RAD51B: variants seen among roughly 807,000 people sequenced by gnomAD.
RAD51B encodes RAD51 paralog B.
A neutral mutation model predicts 42.2 loss-of-function variants in RAD51B; 38 were observed. The observed-to-expected ratio is 0.90, with a 90% CI of 0.70 to 1.18. The LOEUF (loss-of-function observed/expected upper bound fraction) is 1.18, where lower values mean the gene tolerates loss of function less well. Ranked by LOEUF, RAD51B falls within the 50% of genes most tolerant of loss-of-function variation. The pLI, the probability that RAD51B is intolerant of heterozygous loss-of-function variation, is 0.00. For missense variants in RAD51B, 373 were observed against 400.7 expected (o/e 0.93, Z 0.59); for synonymous variants, 154 against 145.2 (o/e 1.06, Z -0.43).
chr14:68,287,626 T>C (rs947774971), intron 7 of RAD51B, among the ~76,000 whole-genome samples: 2 of 152,204 alleles, frequency 1.3e-5, no homozygotes, highest in East Asian at 3.8e-4. Flanking sequence ...AGCCTTATTT[T>C]AGGGAAATAG....
At chr14:68,278,785 G>A (rs886640482) in intron 7 of RAD51B, among the ~76,000 whole-genome samples, 4 of 152,114 alleles carry the variant, frequency 2.6e-5, no homozygotes, top group African/African-American at 7.2e-5. Flanking sequence ...CTGTGTCTAT[G>A]GAATACAGCA....
intron 11 of RAD51B, among the ~76,000 whole-genome samples, chr14:68,682,179 A>G (rs1333686579): frequency 6.6e-6 from 1 of 152,200 alleles, no homozygotes; most frequent in African/African-American, 2.4e-5. Flanking sequence ...ACCTACAGAT[A>G]TTAAATTACT....
intron 1 of RAD51B, among the ~76,000 whole-genome samples, chr14:67,821,443 AT>A: frequency 6.6e-6 from 1 of 151,196 alleles, no homozygotes; most frequent in African/African-American, 2.4e-5. Flanking sequence ...GTAGTTTAGA[AT>A]TTATAGTTTT....
At chr14:68,484,652 T>A (rs1317201288) in intron 10 of RAD51B, among the ~76,000 whole-genome samples, 1 of 152,130 alleles carries the variant, frequency 6.6e-6, no homozygotes, top group Non-Finnish European at 1.5e-5. Flanking sequence ...CCACCGTGCC[T>A]GGCCCAGTTG....
intron 7 of RAD51B, among the ~76,000 whole-genome samples, chr14:68,156,227 C>T (rs557987009): frequency 2.4e-4 from 36 of 152,226 alleles, no homozygotes; most frequent in Admixed American, 1.3e-3. Flanking sequence ...TGTGTGCATG[C>T]GCCAAGTGTT....
chr14:68,299,458 C>T (rs1012602181), intron 8 of RAD51B, among the ~76,000 whole-genome samples: 1 of 152,122 alleles, frequency 6.6e-6, no homozygotes. Flanking sequence ...ATAGCATTTA[C>T]ACTGTATTAG....
intron 7 of RAD51B, among the ~76,000 whole-genome samples, chr14:67,906,031 T>G (rs2043771089): frequency 6.6e-6 from 1 of 152,074 alleles, no homozygotes; most frequent in African/African-American, 2.4e-5. Context: ...TAGCTGTGGG[T>G]TTGTCATAGA....
At chr14:68,241,881 T>C (rs1053870395) in intron 7 of RAD51B, among the ~76,000 whole-genome samples, 2 of 152,192 alleles carry the variant, frequency 1.3e-5, no homozygotes, top group Admixed American at 6.5e-5. Flanking sequence ...GGGCCTACAC[T>C]CAGTTTCCCC....
At chr14:68,095,351 A>AGT (rs1190376134) in intron 7 of RAD51B, among the ~76,000 whole-genome samples, 1 of 152,048 alleles carries the variant, frequency 6.6e-6, no homozygotes, top group Non-Finnish European at 1.5e-5. Flanking sequence ...TCAACCCACC[A>AGT]GTGCTCTTGA....
chr14:68,047,109 T>C (rs1368791703), intron 7 of RAD51B, among the ~76,000 whole-genome samples: 1 of 152,110 alleles, frequency 6.6e-6, no homozygotes, highest in Non-Finnish European at 1.5e-5. Flanking sequence ...AAATAAGGTT[T>C]CTACTTAGAA....
chr14:68,488,486 A>T (rs1451270408), intron 10 of RAD51B, among the ~76,000 whole-genome samples: 1 of 152,088 alleles, frequency 6.6e-6, no homozygotes, highest in East Asian at 1.9e-4. Context: ...GAATCCTGCT[A>T]AGTCAATTGA....
chr14:67,973,726 C>CT (rs2074940178), intron 7 of RAD51B, among the ~76,000 whole-genome samples: 1 of 152,068 alleles, frequency 6.6e-6, no homozygotes, highest in African/African-American at 2.4e-5. Flanking sequence ...GATTACAGCT[C>CT]TTTAAGATCA....
chr14:68,507,554 C>A (rs917868770), intron 10 of RAD51B, among the ~76,000 whole-genome samples: 1 of 152,140 alleles, frequency 6.6e-6, no homozygotes, highest in African/African-American at 2.4e-5. Flanking sequence ...AGCGAACATT[C>A]TGCACACCTC....
rs1032162062 is a variant in RAD51B at position 67,923,213 on chromosome 14, C to T, written c.756+36009C>T. 4.0e-5 allele frequency among the ~76,000 whole-genome samples: 6 copies of T among 151,794 alleles called. No homozygotes were observed. The East Asian group carries it at 9.6e-4, about 24-fold the overall frequency. ...AATGCCATTGTTTCATTTGTTTTTA[C>T]AGCTGAGTAGTATTCCACAGTGTGT... On this transcript the variant is annotated intron_variant, in intron 7 of 10. Coordinates refer to ENST00000471583, the MANE Select transcript of RAD51B (RefSeq NM_133510.4).
chr14:67,875,566 A>C (rs2042698481), intron 5 of RAD51B, among the ~76,000 whole-genome samples: 1 of 152,222 alleles, frequency 6.6e-6, no homozygotes, highest in Non-Finnish European at 1.5e-5. Flanking sequence ...TACAATATTC[A>C]GTACAGTAAC....
At chr14:67,901,288 A>G (rs1003191734) in intron 7 of RAD51B, among the ~76,000 whole-genome samples, 2 of 152,248 alleles carry the variant, frequency 1.3e-5, no homozygotes, top group Admixed American at 6.5e-5. Context: ...TAATGGCATT[A>G]TAATGAGTTG....
intron 8 of RAD51B, among the ~76,000 whole-genome samples, chr14:68,296,242 C>T (rs2081611599): frequency 6.6e-6 from 1 of 152,136 alleles, no homozygotes; most frequent in East Asian, 1.9e-4. Flanking sequence ...CTAGTATCCA[C>T]TCTGTCATTC....
chr14:67,995,677 G>A (rs556405802), intron 7 of RAD51B, among the ~76,000 whole-genome samples: 1 of 151,402 alleles, frequency 6.6e-6, no homozygotes, highest in Non-Finnish European at 1.5e-5. Context: ...GAGTGCAGTG[G>A]CGCAATCTCA....
intron 10 of RAD51B, among the ~76,000 whole-genome samples, chr14:68,578,224 G>A (rs1209286710): frequency 2.6e-5 from 4 of 152,246 alleles, no homozygotes; most frequent in East Asian, 1.9e-4. Flanking sequence ...TCAGGAGTTC[G>A]AGACCAACCT....
Sources: allele counts gnomAD v4.1 joint callset (sites outside exome capture counted in the v4.1 genomes callset), GRCh38; gene constraint gnomAD v4.1.1; transcripts MANE v1.5; gene names NCBI Gene and HGNC (gene_info 2026-07-23, HGNC 2026-07-21).